PRR5L: variants seen among roughly 807,000 people sequenced by gnomAD.
The protein encoded by PRR5L is proline-rich protein 5-like.
PRR5L carries 21 observed loss-of-function variants against 36.4 expected under a neutral mutation model. The ratio of observed to expected loss-of-function variants is 0.58; its 90% CI spans 0.41 to 0.83. The LOEUF (loss-of-function observed/expected upper bound fraction) is 0.83, where lower values mean the gene tolerates loss of function less well. Among genes scored for constraint, PRR5L ranks in the 40% least tolerant of loss-of-function variants. The pLI, the probability that PRR5L is intolerant of heterozygous loss-of-function variation, is 0.00. For synonymous variants in PRR5L, 188 were observed against 197.0 expected (o/e 0.95, Z 0.38); for missense variants, 381 against 473.3 (o/e 0.80, Z 1.81).
At chr11:36,431,465 A>T (rs751928) in intron 4 of PRR5L, among the ~76,000 whole-genome samples, 15,879 of 116,638 alleles carry the variant, frequency 0.14, 964 homozygotes, top group African/African-American at 0.2. Flanking sequence ...CTTTTTTTTT[A>T]AAAAAAAATA....
chr11:36,321,006 T>A (rs990914476), intron 1 of PRR5L, among the ~76,000 whole-genome samples: 1 of 152,260 alleles, frequency 6.6e-6, no homozygotes, highest in African/African-American at 2.4e-5. Context: ...ACAGTTCTTA[T>A]TATGGAATTT....
chr11:36,427,993 T>C (rs181661342), intron 4 of PRR5L, among the ~76,000 whole-genome samples: 16 of 152,308 alleles, frequency 1.1e-4, no homozygotes, highest in African/African-American at 2.6e-4. Context: ...GAGGTCCCCA[T>C]TGAGTCAGCA....
At chr11:36,307,325 G>A (rs1234875236) in intron 1 of PRR5L, among the ~76,000 whole-genome samples, 1 of 152,270 alleles carries the variant, frequency 6.6e-6, no homozygotes, top group East Asian at 1.9e-4. Flanking sequence ...TTACTCAAAG[G>A]CAGACTGCTA....
At chr11:36,397,299 C>T (rs946343284) in intron 1 of PRR5L, among the ~76,000 whole-genome samples, 22 of 151,898 alleles carry the variant, frequency 1.4e-4, no homozygotes, top group Non-Finnish European at 2.6e-4. Context: ...CTCCTGCCCT[C>T]GAGATCTACC....
At chr11:36,368,478 G>A (rs1295928363) in intron 1 of PRR5L, among the ~76,000 whole-genome samples, 1 of 152,188 alleles carries the variant, frequency 6.6e-6, no homozygotes, top group Non-Finnish European at 1.5e-5. Context: ...AGTTCACTTT[G>A]AACAGCGATT....
At chr11:36,328,453 G>A (rs1856686965) in intron 1 of PRR5L, among the ~76,000 whole-genome samples, 1 of 152,112 alleles carries the variant, frequency 6.6e-6, no homozygotes, top group African/African-American at 2.4e-5. Flanking sequence ...TGGCAACTCA[G>A]CCCTCTCTCT....
At chr11:36,358,465 TA>T (rs1857051451) in intron 1 of PRR5L, among the ~76,000 whole-genome samples, 2 of 152,330 alleles carry the variant, frequency 1.3e-5, no homozygotes, top group South Asian at 4.1e-4. Context: ...CAACATTTTT[TA>T]GCCGTATTTT....
At position 36,401,208 on chromosome 11, in the gene PRR5L, C is replaced by T. The variant is rs765777630; in HGVS notation, c.87C>T (p.Ser29=). The part of the protein sequence containing the change: ...FRRPRPRFMS[S]PVLSDLPRFQ... ...GGCCTAGACCGCGCTTCATGAGCTC[C>T]CCCGTGCTCAGCGACCTTCCCCGAT... Residue 29 remains serine, a synonymous_variant, in exon 2 of 9, where the codon TCC becomes TCT. Coordinates refer to ENST00000530639, the MANE Select transcript of PRR5L (RefSeq NM_001160167.2). 2 of 1,614,024 alleles carry T rather than the reference C, an allele frequency of 1.2e-6. No individual in the cohort carries two copies. The highest frequency in any genetic ancestry group is 1.1e-5 in the South Asian group (1 of 91,078).
At chr11:36,306,747 T>TGTTACTTTACTTAATAAC (rs1856436436) in intron 1 of PRR5L, among the ~76,000 whole-genome samples, 1 of 152,138 alleles carries the variant, frequency 6.6e-6, no homozygotes, top group African/African-American at 2.4e-5. Flanking sequence ...TTCCTTTTCA[T>TGTTACTTTACTTAATAAC]AGCAACCACC....
At chr11:36,390,645 A>G (rs1857547229) in intron 1 of PRR5L, among the ~76,000 whole-genome samples, 1 of 152,166 alleles carries the variant, frequency 6.6e-6, no homozygotes. Context: ...AGGTGCTTTC[A>G]TGTAGTTTTG....
chr11:36,327,366 TCAAA>T (rs1221509623), intron 1 of PRR5L, among the ~76,000 whole-genome samples: 1 of 152,126 alleles, frequency 6.6e-6, no homozygotes, highest in East Asian at 1.9e-4. Context: ...GCATTAACAT[TCAAA>T]CAGAGATCCT....
At position 36,401,002 on chromosome 11, in the gene PRR5L, G is replaced by T; in HGVS notation, c.-120G>T. The T allele has an allele frequency of 6.8e-7, 1 of 1,467,382 alleles. No homozygotes were observed. The allele number at this position is 1,467,382 out of a possible 1,614,324, so 90.9% of individuals were successfully genotyped here. On this transcript the variant is annotated 5_prime_UTR_variant, in exon 2 of 9. Coordinates refer to ENST00000530639, the MANE Select transcript of PRR5L (RefSeq NM_001160167.2). ...AAGCTTCCCTCTCTTTTCAGGTGTT[G>T]GCTACGTTTGTGGTTTTAAGAAAGC... is the stretch of plus-strand genomic sequence containing the variant.
At chr11:36,368,675 A>G (rs1355708278) in intron 1 of PRR5L, among the ~76,000 whole-genome samples, 2 of 152,222 alleles carry the variant, frequency 1.3e-5, no homozygotes, top group African/African-American at 4.8e-5. Flanking sequence ...TGAATGCAGA[A>G]GTCAGTAGAA....
intron 4 of PRR5L, among the ~76,000 whole-genome samples, chr11:36,421,901 T>TA: frequency 6.6e-6 from 1 of 152,294 alleles, no homozygotes; most frequent in East Asian, 1.9e-4. Context: ...TCCTCGAACT[T>TA]AGTGTCTTCA....
chr11:36,460,100 T>A (rs1015949317), intron 8 of PRR5L, among the ~76,000 whole-genome samples: 5 of 152,112 alleles, frequency 3.3e-5, no homozygotes, highest in African/African-American at 1.2e-4. Flanking sequence ...GGTGGGTGAG[T>A]ACAACACCCA....
At chr11:36,357,724 C>T (rs1857042481) in intron 1 of PRR5L, among the ~76,000 whole-genome samples, 1 of 152,050 alleles carries the variant, frequency 6.6e-6, no homozygotes, top group African/African-American at 2.4e-5. Flanking sequence ...AAAAAGATGC[C>T]TTTAAAAACA....
At position 36,347,728 on chromosome 11, in the gene PRR5L, T is replaced by C. The variant is rs79419173; in HGVS notation, c.-126+51290T>C. Among the ~76,000 whole-genome samples, 1,194 of 151,800 alleles carry C rather than the reference T, an allele frequency of 7.9e-3. 18 individuals are homozygous for C. The highest frequency in any genetic ancestry group is 0.027 in the African/African-American group (1,129 of 41,394). On this transcript the variant is annotated intron_variant, in intron 1 of 8. Transcript: ENST00000530639. ...CTGAACCACTGATATCCACTTCTTGTCAAGCAGATGATGGTCCAGCCAGCA... is the reference window on the plus strand; with the variant it reads ...CTGAACCACTGATATCCACTTCTTGCCAAGCAGATGATGGTCCAGCCAGCA...
chr11:36,391,813 C>T (rs578079386), intron 1 of PRR5L, among the ~76,000 whole-genome samples: 129 of 152,302 alleles, frequency 8.5e-4, no homozygotes, highest in Non-Finnish European at 1.7e-3. Flanking sequence ...AGCATTTCTC[C>T]TTTCTTTGTG....
intron 1 of PRR5L, among the ~76,000 whole-genome samples, chr11:36,341,956 T>G (rs1856821331): frequency 6.6e-6 from 1 of 152,240 alleles, no homozygotes; most frequent in Non-Finnish European, 1.5e-5. Context: ...GGGTGGACAT[T>G]GGACAGCTAA....
Sources: allele counts gnomAD v4.1 joint callset (sites outside exome capture counted in the v4.1 genomes callset), GRCh38; gene constraint gnomAD v4.1.1; transcripts MANE v1.5; gene names NCBI Gene and HGNC (gene_info 2026-07-23, HGNC 2026-07-21).